KCNIP4: variants seen among roughly 807,000 people sequenced by gnomAD.
KCNIP4 encodes Kv channel-interacting protein 4.
In KCNIP4, 12 loss-of-function variants were observed where a neutral mutation model predicts 34.0. That is an observed-to-expected ratio of 0.35 (90% CI 0.23 to 0.57). The LOEUF (loss-of-function observed/expected upper bound fraction) is 0.57, where lower values mean the gene tolerates loss of function less well. Ranked by LOEUF, KCNIP4 falls within the 20% of genes least tolerant of loss-of-function variation. The pLI is 0.83. For synonymous variants in KCNIP4, 124 were observed against 102.2 expected (o/e 1.21, Z -1.29); for missense variants, 238 against 311.7 (o/e 0.76, Z 1.78).
chr4:21,835,578 C>A (rs1291768902), intron 1 of KCNIP4, among the ~76,000 whole-genome samples: 1 of 151,204 alleles, frequency 6.6e-6, no homozygotes, highest in Non-Finnish European at 1.5e-5. Context: ...TGTTTTCTTA[C>A]GTTTTTTTTT....
intron 1 of KCNIP4, chr4:21,763,024 T>C: frequency 7.8e-7 from 1 of 1,288,734 alleles, no homozygotes; most frequent in Non-Finnish European, 1.0e-6. Flanking sequence ...GAATGCTCAA[T>C]AACCGCTTCT....
intron 3 of KCNIP4, among the ~76,000 whole-genome samples, chr4:20,828,793 C>T (rs1390925034): frequency 6.6e-6 from 1 of 152,200 alleles, no homozygotes; most frequent in Non-Finnish European, 1.5e-5. Flanking sequence ...TACCTACACA[C>T]ATAAAAGATT....
intron 1 of KCNIP4, among the ~76,000 whole-genome samples, chr4:21,663,659 C>G (rs1037605179): frequency 1.3e-5 from 2 of 152,172 alleles, no homozygotes; most frequent in African/African-American, 2.4e-5. Flanking sequence ...CTAATACTCA[C>G]TGATTCTTGA....
intron 1 of KCNIP4, among the ~76,000 whole-genome samples, chr4:21,049,471 C>G (rs1333485779): frequency 6.6e-6 from 1 of 152,150 alleles, no homozygotes; most frequent in Non-Finnish European, 1.5e-5. Flanking sequence ...TACCTACAGT[C>G]TAAACTATAC....
intron 1 of KCNIP4, chr4:21,853,154 T>A (rs1724514568): frequency 6.6e-6 from 1 of 152,184 alleles, no homozygotes; most frequent in South Asian, 2.1e-4. Flanking sequence ...ATTGCCTAAT[T>A]TGTAAAACTG....
chr4:20,957,705 A>C (rs1339188142), intron 1 of KCNIP4, among the ~76,000 whole-genome samples: 2 of 152,168 alleles, frequency 1.3e-5, no homozygotes, highest in African/African-American at 4.8e-5. Context: ...TCAAATAAGG[A>C]GAGGCATATG....
At chr4:21,927,004 G>A (rs768210078) in intron 1 of KCNIP4, among the ~76,000 whole-genome samples, 100 of 152,282 alleles carry the variant, frequency 6.6e-4, no homozygotes, top group Non-Finnish European at 1.0e-3. Context: ...AGTATTTGAA[G>A]TACTGGTGCT....
chr4:21,437,538 T>C (rs1727054702), intron 1 of KCNIP4, among the ~76,000 whole-genome samples: 1 of 152,202 alleles, frequency 6.6e-6, no homozygotes, highest in African/African-American at 2.4e-5. Flanking sequence ...GTGAACGCTA[T>C]TTTAAATCCA....
chr4:21,418,445 C>T (rs558459312), intron 1 of KCNIP4, among the ~76,000 whole-genome samples: 5 of 152,042 alleles, frequency 3.3e-5, no homozygotes, highest in African/African-American at 4.8e-5. Flanking sequence ...TGCAGTGAGC[C>T]GTGATTGTGC....
At chr4:21,639,740 G>A (rs2109229565) in intron 1 of KCNIP4, among the ~76,000 whole-genome samples, 1 of 152,236 alleles carries the variant, frequency 6.6e-6, no homozygotes, top group African/African-American at 2.4e-5. Context: ...TGGGTTCTTT[G>A]AGGATTAAAA....
At chr4:21,440,184 AT>A (rs1418955059) in intron 1 of KCNIP4, among the ~76,000 whole-genome samples, 2 of 152,266 alleles carry the variant, frequency 1.3e-5, no homozygotes, top group Non-Finnish European at 2.9e-5. Flanking sequence ...AATATCATTA[AT>A]AGTACAAGCC....
At chr4:21,730,515 G>A (rs529726782) in intron 1 of KCNIP4, among the ~76,000 whole-genome samples, 4 of 152,004 alleles carry the variant, frequency 2.6e-5, no homozygotes, top group Admixed American at 6.6e-5. Flanking sequence ...TGCCAGTGAC[G>A]GCCAGACAGG....
At chr4:21,312,573 T>A (rs1449268723) in intron 1 of KCNIP4, among the ~76,000 whole-genome samples, 1 of 152,134 alleles carries the variant, frequency 6.6e-6, no homozygotes, top group Non-Finnish European at 1.5e-5. Context: ...TAGACGGGGG[T>A]TCCTTCGGTT....
intron 1 of KCNIP4, among the ~76,000 whole-genome samples, chr4:21,101,395 G>C (rs1018005767): frequency 6.6e-6 from 1 of 151,852 alleles, no homozygotes; most frequent in African/African-American, 2.4e-5. Context: ...AAATATGTTT[G>C]TGTGGGTGTA....
chr4:21,714,883 T>C (rs1714118873), intron 1 of KCNIP4, among the ~76,000 whole-genome samples: 2 of 220 alleles, frequency 9.1e-3, no homozygotes, highest in South Asian at 0.1. Context: ...TATTTTATTT[T>C]ATTTTATTTT....
At chr4:21,445,530 T>A (rs1727904542) in intron 1 of KCNIP4, among the ~76,000 whole-genome samples, 1 of 152,198 alleles carries the variant, frequency 6.6e-6, no homozygotes, top group African/African-American at 2.4e-5. Context: ...GGGAAAGGAT[T>A]CCCTATTTAA....
At chr4:20,785,827 G>C (rs1464954827) in intron 3 of KCNIP4, among the ~76,000 whole-genome samples, 1 of 151,952 alleles carries the variant, frequency 6.6e-6, no homozygotes, top group Non-Finnish European at 1.5e-5. Flanking sequence ...AGACCTTGGT[G>C]GAAGGATCTC....
chr4:20,828,199 C>T (rs747581478), intron 3 of KCNIP4, among the ~76,000 whole-genome samples: 9 of 152,216 alleles, frequency 5.9e-5, no homozygotes, highest in South Asian at 2.1e-4. Flanking sequence ...GAGGCCGAGG[C>T]GGGTGGATCC....
chr4:21,848,858 T>C (rs187432557), intron 1 of KCNIP4: 1 of 151,730 alleles, frequency 6.6e-6, no homozygotes. Flanking sequence ...TATCACAGGG[T>C]GCTAAGAATA....
Sources: allele counts gnomAD v4.1 joint callset (sites outside exome capture counted in the v4.1 genomes callset), GRCh38; gene constraint gnomAD v4.1.1; transcripts MANE v1.5; gene names NCBI Gene and HGNC (gene_info 2026-07-23, HGNC 2026-07-21).